Variants in SEC24B observed in about 807,000 individuals in gnomAD.
SEC24B encodes the protein SEC24 homolog B, COPII component, also known as protein transport protein Sec24B.
A neutral mutation model predicts 142.8 loss-of-function variants in SEC24B; 45 were observed. The observed-to-expected ratio is 0.32, with a 90% CI of 0.25 to 0.40. The LOEUF (loss-of-function observed/expected upper bound fraction) is 0.40. Ranked by LOEUF, SEC24B falls within the 10% of genes least tolerant of loss-of-function variation. The pLI is 1.00. For synonymous variants in SEC24B, 574 were observed against 568.2 expected (o/e 1.01, Z -0.15); for missense variants, 1,409 against 1,526.8 (o/e 0.92, Z 1.29).
At chr4:109,458,098 T>C (rs941931664) in intron 1 of SEC24B, among the ~76,000 whole-genome samples, 4 of 152,156 alleles carry the variant, frequency 2.6e-5, no homozygotes, top group African/African-American at 9.6e-5. Context: ...CTTCAGCCTT[T>C]TTTTTTTCTC....
chr4:109,452,530 A>G (rs1033343870), intron 1 of SEC24B, among the ~76,000 whole-genome samples: 1 of 152,234 alleles, frequency 6.6e-6, no homozygotes, highest in Admixed American at 6.5e-5. Context: ...ACTAGTATGT[A>G]TTCCCTCCAA....
At chr4:109,478,493 A>G (rs1250329010) in intron 3 of SEC24B, among the ~76,000 whole-genome samples, 1 of 152,130 alleles carries the variant, frequency 6.6e-6, no homozygotes, top group African/African-American at 2.4e-5. Flanking sequence ...AAGCATTTGA[A>G]ATATATTAAC....
At chr4:109,490,450 T>A (rs772278959) in intron 4 of SEC24B, among the ~76,000 whole-genome samples, 1 of 152,112 alleles carries the variant, frequency 6.6e-6, no homozygotes, top group South Asian at 2.1e-4. Flanking sequence ...AGGGATAACC[T>A]CTGTAGCACA....
chr4:109,475,812 T>G (rs970021161), intron 3 of SEC24B, among the ~76,000 whole-genome samples: 2 of 152,162 alleles, frequency 1.3e-5, no homozygotes, highest in Admixed American at 1.3e-4. Flanking sequence ...TTCCTTAATG[T>G]AATAATAAAA....
chr4:109,468,566 C>CA (rs1732199119), intron 2 of SEC24B, among the ~76,000 whole-genome samples: 1 of 152,304 alleles, frequency 6.6e-6, no homozygotes, highest in African/African-American at 2.4e-5. Context: ...TTGGCACTAT[C>CA]AGATTTGTGT....
At chr4:109,530,769 G>A (rs553115387) in intron 19 of SEC24B, among the ~76,000 whole-genome samples, 15 of 151,880 alleles carry the variant, frequency 9.9e-5, no homozygotes, top group African/African-American at 3.4e-4. Flanking sequence ...GGTGGCACGC[G>A]CCTGTAATCC....
At chr4:109,509,929 A>G (rs1231505045) in intron 7 of SEC24B, 80 bp from the exon 8 acceptor site, 18 of 797,818 alleles carry the variant, frequency 2.3e-5, no homozygotes, top group Middle Eastern at 2.4e-4. Context: ...ATGTCCTTAA[A>G]TGTTCTTAGT....
rs530184881 is a variant in SEC24B at position 109,463,239 on chromosome 4, C to T, written c.472C>T (p.His158Tyr). ...ASQPYSSFVN[H>Y]YNSPAMYSAS... ...CCAACCATACTCCTCTTTTGTGAAT[C>T]ACTACAATAGTCCAGCCATGTACTC... Residue 158 changes from histidine (H) to tyrosine (Y), a missense_variant, in exon 2 of 24, where the codon CAC (histidine) becomes TAC (tyrosine). Around this residue, in one of 2 missense-constraint regions of SEC24B, gnomAD observed 709 missense variants for 673.5 expected, o/e 1.05. Coordinates refer to ENST00000265175, the MANE Select transcript of SEC24B (RefSeq NM_006323.5). The T allele has an allele frequency of 3.7e-6, 6 of 1,614,126 alleles. No individual in the cohort carries two copies. In the South Asian group the frequency reaches 6.6e-5, roughly 18 times the overall value.
chr4:109,514,799 C>T (rs982164077), intron 10 of SEC24B, among the ~76,000 whole-genome samples: 8 of 152,168 alleles, frequency 5.3e-5, no homozygotes, highest in African/African-American at 9.7e-5. Flanking sequence ...AAGGAGTAAG[C>T]GATGTGCATT....
intron 1 of SEC24B, among the ~76,000 whole-genome samples, chr4:109,454,577 A>G (rs1730466215): frequency 6.6e-6 from 1 of 151,948 alleles, no homozygotes; most frequent in South Asian, 2.1e-4. Context: ...CAAAACTCCA[A>G]AATGAAGGCC....
At chr4:109,506,587 G>A in intron 7 of SEC24B, 75 bp downstream of exon 7, 2 of 1,043,818 alleles carry the variant, frequency 1.9e-6, no homozygotes, top group Non-Finnish European at 2.7e-6. Context: ...AGTAAAAGTA[G>A]TATGTTATTT....
intron 19 of SEC24B, 36 bp from the exon 20 acceptor site, chr4:109,531,349 T>A: frequency 1.3e-6 from 2 of 1,558,488 alleles, no homozygotes; most frequent in Non-Finnish European, 1.8e-6. Context: ...ACCATATTTG[T>A]ATTTTACTTG....
intron 4 of SEC24B, among the ~76,000 whole-genome samples, chr4:109,483,474 A>G (rs544090017): frequency 2.0e-5 from 3 of 152,218 alleles, no homozygotes; most frequent in East Asian, 1.9e-4. Flanking sequence ...TTGTGGTGTC[A>G]TGTCAGCCCT....
Position 109,494,685 on chromosome 4 carries a change from A to T in SEC24B, c.1317A>T (p.Pro439=), listed in dbSNP as rs61745402. 6.3e-4 allele frequency: 1,024 copies of T among 1,613,960 alleles called. 6 individuals carry two copies. The African/African-American group carries it at 0.011, about 17-fold the overall frequency. Residue 439 remains proline (P), a synonymous_variant, in exon 6 of 24, where the codon CCA becomes CCT. Transcript: ENST00000265175. ...CTGAACCTGATCCTGCTTCTGCTCC[A>T]GCTCCAGCTTCAGCTCCAGCTCCTG... ...PAPEPDPASA[P]APASAPAPVV...
intron 3 of SEC24B, among the ~76,000 whole-genome samples, chr4:109,476,876 G>A (rs1378192659): frequency 6.6e-6 from 1 of 152,062 alleles, no homozygotes; most frequent in African/African-American, 2.4e-5. Flanking sequence ...AGTGGCTCAC[G>A]CCTGTAATCC....
In SEC24B at chr4:109,531,476, A is replaced by G. The variant is rs1298429236; in HGVS notation, c.3344A>G (p.Lys1115Arg). The G allele has an allele frequency of 2.4e-5, 38 of 1,611,534 alleles. No individual in the cohort carries two copies. Among genetic ancestry groups the G allele is most frequent in the Non-Finnish European group, 2.9e-5 (34 of 1,177,750 alleles). Residue 1115 changes from lysine to arginine, a missense_variant, in exon 20 of 24, where the codon AAA (lysine) becomes AGA (arginine). This residue lies in a region of SEC24B where 700 missense variants were observed against 853.3 expected (regional missense o/e 0.82). Transcript: ENST00000265175. ...TCTCAGCCACTTGTTCATCTAATGA[A>G]AATGATTCATCCCAACTTATACAGG... ...IKSQPLVHLMKMIHPNLYRID... is the reference protein window; with the variant it reads ...IKSQPLVHLMRMIHPNLYRID...
At chr4:109,506,157 G>A (rs1736662873) in intron 6 of SEC24B, among the ~76,000 whole-genome samples, 171 bp from the exon 7 acceptor site, 2 of 152,022 alleles carry the variant, frequency 1.3e-5, no homozygotes, top group African/African-American at 4.8e-5. Flanking sequence ...AATTTATTCA[G>A]TACTTTTGCT....
chr4:109,521,409 T>C lies in SEC24B; in HGVS notation c.2302-11T>C. ...TCTCAGTAATTCAATTTTTGATCTT[T>C]GTTTTCTCAGCTTATAAAAGACTTA... On this transcript the variant is annotated splice_polypyrimidine_tract_variant and intron_variant, in intron 13 of 23. Transcript: ENST00000265175. The C allele has an allele frequency of 6.2e-7, 1 of 1,606,904 alleles. No individual in the cohort carries two copies.
intron 1 of SEC24B, chr4:109,450,642 A>AG (rs1729974402): frequency 7.0e-6 from 1 of 143,416 alleles, no homozygotes; most frequent in African/African-American, 2.6e-5. Context: ...TGGGTGACAG[A>AG]GTGAGACTCA....
Sources: allele counts gnomAD v4.1 joint callset (sites outside exome capture counted in the v4.1 genomes callset), GRCh38; gene constraint gnomAD v4.1.1; regional missense constraint gnomAD v4.1.1; transcripts MANE v1.5; gene names NCBI Gene and HGNC (gene_info 2026-07-23, HGNC 2026-07-21).